Variants in GKAP1 observed in about 807,000 individuals in gnomAD.
The protein encoded by GKAP1 is G kinase-anchoring protein 1.
GKAP1 carries 31 observed loss-of-function variants against 56.7 expected under a neutral mutation model. That is an observed-to-expected ratio of 0.55 (90% CI 0.41 to 0.74). The LOEUF (loss-of-function observed/expected upper bound fraction) is 0.74. Among genes scored for constraint, GKAP1 ranks in the 30% least tolerant of loss-of-function variants. The probability of loss-of-function intolerance (pLI) is 0.00; values close to 1 mark genes in which losing one functional copy is unlikely to be tolerated. For missense variants in GKAP1, 364 were observed against 402.3 expected (o/e 0.90, Z 0.82); for synonymous variants, 151 against 138.6 (o/e 1.09, Z -0.63).
intron 3 of GKAP1, among the ~76,000 whole-genome samples, chr9:83,801,065 CTT>C (rs1440935686): frequency 6.6e-6 from 1 of 152,182 alleles, no homozygotes; most frequent in Non-Finnish European, 1.5e-5. Context: ...GAAATTGGGT[CTT>C]TACAGATGTA....
chr9:83,780,067 G>A (rs1255766179), intron 7 of GKAP1, among the ~76,000 whole-genome samples: 1 of 152,026 alleles, frequency 6.6e-6, no homozygotes, highest in East Asian at 1.9e-4. Context: ...TATAGAGTGA[G>A]AGATTAAACC....
intron 8 of GKAP1, among the ~76,000 whole-genome samples, chr9:83,757,089 GA>G (rs1943490151): frequency 6.6e-6 from 1 of 152,246 alleles, no homozygotes; most frequent in African/African-American, 2.4e-5. Context: ...TGTGCAGTAA[GA>G]AAAACAAAAT....
intron 7 of GKAP1, among the ~76,000 whole-genome samples, chr9:83,775,790 G>A (rs143117566): frequency 1.4e-5 from 2 of 144,468 alleles, no homozygotes; most frequent in Admixed American, 7.3e-5. Context: ...CTCAAGAATC[G>A]CTTGAACCCA....
At chr9:83,771,113 G>C (rs1257046835) in intron 7 of GKAP1, among the ~76,000 whole-genome samples, 2 of 152,030 alleles carry the variant, frequency 1.3e-5, no homozygotes, top group African/African-American at 2.4e-5. Flanking sequence ...CCAGGCTGGA[G>C]TGCAGTGGCC....
At chr9:83,801,766 C>T (rs1345265445) in intron 3 of GKAP1, among the ~76,000 whole-genome samples, 1 of 152,122 alleles carries the variant, frequency 6.6e-6, no homozygotes, top group East Asian at 1.9e-4. Context: ...TTTTCTGTTT[C>T]CCCCAAATCA....
At chr9:83,809,617 A>G (rs1200540495) in intron 2 of GKAP1, among the ~76,000 whole-genome samples, 1 of 152,240 alleles carries the variant, frequency 6.6e-6, no homozygotes, top group Non-Finnish European at 1.5e-5. Flanking sequence ...CCTTAAAGCA[A>G]CAGCCTTAAA....
chr9:83,769,107 T>C, intron 7 of GKAP1, 137 bp from the exon 8 acceptor site: 1 of 612,976 alleles, frequency 1.6e-6, no homozygotes, highest in African/African-American at 1.9e-5. Flanking sequence ...GAAAGAAAAA[T>C]GACAGCTAAG....
intron 4 of GKAP1, among the ~76,000 whole-genome samples, chr9:83,795,156 C>CAAAAA (rs1031439217): frequency 1.4e-4 from 9 of 64,456 alleles, no homozygotes; most frequent in East Asian, 1.2e-3. Flanking sequence ...GACTCCATCT[C>CAAAAA]AAAAAAAAAA....
chr9:83,755,423 C>A (rs1395630962), intron 8 of GKAP1, among the ~76,000 whole-genome samples: 1 of 152,010 alleles, frequency 6.6e-6, no homozygotes, highest in African/African-American at 2.4e-5. Context: ...ATGGGTTTAT[C>A]AAAGATTTTG....
chr9:83,786,869 G>A (rs921597251), intron 5 of GKAP1, among the ~76,000 whole-genome samples: 2 of 152,088 alleles, frequency 1.3e-5, no homozygotes, highest in South Asian at 4.1e-4. Flanking sequence ...TAAGGATACA[G>A]GTAATCCTTC....
chr9:83,808,577 C>T (rs1056018892), intron 2 of GKAP1, among the ~76,000 whole-genome samples: 1 of 152,078 alleles, frequency 6.6e-6, no homozygotes, highest in Admixed American at 6.6e-5. Context: ...GCCTGAGCAA[C>T]GGAGTCAGAC....
intron 4 of GKAP1, among the ~76,000 whole-genome samples, chr9:83,790,685 T>C (rs1260919529): frequency 6.6e-6 from 1 of 151,734 alleles, no homozygotes; most frequent in East Asian, 1.9e-4. Flanking sequence ...TGGTGGTGCA[T>C]GCCTGTAATT....
At chr9:83,770,119 T>G (rs1943732324) in intron 7 of GKAP1, among the ~76,000 whole-genome samples, 1 of 152,246 alleles carries the variant, frequency 6.6e-6, no homozygotes, top group African/African-American at 2.4e-5. Flanking sequence ...TTGAATATGA[T>G]TTACAAACAT....
chr9:83,761,734 T>C (rs1019255212), intron 8 of GKAP1, among the ~76,000 whole-genome samples: 9 of 152,198 alleles, frequency 5.9e-5, no homozygotes, highest in Non-Finnish European at 1.2e-4. Context: ...ATCCCAGGAA[T>C]GCAAGGCTGG....
At chr9:83,750,578 C>T (rs1186889822) in intron 9 of GKAP1, among the ~76,000 whole-genome samples, 6 of 152,150 alleles carry the variant, frequency 3.9e-5, no homozygotes, top group African/African-American at 1.4e-4. Flanking sequence ...ACATTCCCAC[C>T]AGCAGTGAAC....
chr9:83,743,588 C>T (rs747785563), intron 10 of GKAP1, among the ~76,000 whole-genome samples: 25 of 152,100 alleles, frequency 1.6e-4, no homozygotes, highest in Non-Finnish European at 3.4e-4. Flanking sequence ...GAGTGAGATT[C>T]GTCTCAAAAT....
In GKAP1 at chr9:83,796,493, G is replaced by A. The variant is rs139636712; in HGVS notation, c.360+2692C>T. Among the ~76,000 whole-genome samples the A allele has an allele frequency of 3.4e-3, 515 of 151,524 alleles. 2 individuals carry two copies. Among genetic ancestry groups the A allele is most frequent in the South Asian group, 0.017 (82 of 4,784 alleles). ...TCACTTTTTTTTGTTTTTTTGAGAT[G>A]GAGTTTCACTCTTGTTGCCCAGGCT... is the stretch of plus-strand genomic sequence containing the variant. On this transcript the variant is annotated intron_variant, in intron 4 of 12. Transcript: ENST00000376371.
intron 9 of GKAP1, chr9:83,748,593 GGA>G (rs1443577758): frequency 8.6e-5 from 24 of 278,958 alleles, no homozygotes; most frequent in African/African-American, 4.8e-4. Context: ...GAAAATTAAA[GGA>G]GAGAGGGATA....
chr9:83,784,947 T>TA, intron 5 of GKAP1, 109 bp from the exon 6 acceptor site: 1 of 877,314 alleles, frequency 1.1e-6, no homozygotes, highest in Non-Finnish European at 1.6e-6. Flanking sequence ...AAAAGGCAAA[T>TA]AAAAAACCAA....
Sources: gnomAD v4.1 joint callset for allele counts (sites outside exome capture counted in the v4.1 genomes callset) on GRCh38, gnomAD v4.1.1 for gene constraint, MANE v1.5 for transcripts, NCBI Gene and HGNC (gene_info 2026-07-23, HGNC 2026-07-21) for gene names.